Variants in NGEF observed in about 807,000 individuals in gnomAD.
NGEF encodes ephexin-1.
Under a neutral mutation model 80.9 loss-of-function variants are expected in NGEF, and 31 were observed. That is an observed-to-expected ratio of 0.38 (90% CI 0.29 to 0.52). The LOEUF (loss-of-function observed/expected upper bound fraction) is 0.52. NGEF is among the 20% of genes least tolerant of loss of function. NGEF has a pLI of 0.84. For synonymous variants in NGEF, 371 were observed against 370.2 expected, an observed-to-expected ratio of 1.00 and a Z score of -0.03; for missense variants, 709 against 926.2, an observed-to-expected ratio of 0.77 and a Z score of 3.04.
chr2:232,949,749 G>A (rs935018440), intron 3 of NGEF, among the ~76,000 whole-genome samples: 2 of 77,836 alleles, frequency 2.6e-5, no homozygotes, highest in Non-Finnish European at 5.1e-5. Context: ...AAAGTGCTGG[G>A]ATTCCAGGTT....
chr2:232,905,149 C>T (rs1005270982), intron 5 of NGEF, among the ~76,000 whole-genome samples: 2 of 152,138 alleles, frequency 1.3e-5, no homozygotes, highest in Admixed American at 6.5e-5. Flanking sequence ...CCTCTCATGC[C>T]GAGCCAAAGC....
At position 232,894,757 on chromosome 2, in the gene NGEF, GCTCA is replaced by G; in HGVS notation, c.984_987del (p.Glu329GlyfsTer61). On this transcript the variant is annotated frameshift_variant and splice_region_variant, in exon 6 of 15. Transcript: ENST00000264051. LOFTEE classifies it high-confidence loss of function. ...GGTGGCTGTCCCCCCCGTCCTCACC[GCTCA>G]CTGACAGCCAGCACGTCCAGGACGT... 6.3e-7 allele frequency: 1 copy of G among 1,577,048 alleles called. No homozygotes were observed.
At chr2:232,906,375 G>A (rs1474416078) in intron 5 of NGEF, among the ~76,000 whole-genome samples, 1 of 136,522 alleles carries the variant, frequency 7.3e-6, no homozygotes, top group Non-Finnish European at 1.6e-5. Flanking sequence ...CCGGCCAGCC[G>A]CCCCGTCCGG....
chr2:232,995,618 C>CACA (rs376826955), intron 1 of NGEF, among the ~76,000 whole-genome samples: 1 of 66,872 alleles, frequency 1.5e-5, no homozygotes, highest in Non-Finnish European at 3.1e-5. Flanking sequence ...AGTATGTATA[C>CACA]GTATGTATAC....
chr2:232,883,289 C>A, intron 12 of NGEF, 22 bp downstream of exon 12: 1 of 1,570,056 alleles, frequency 6.4e-7, no homozygotes. Context: ...TAGCACTGGG[C>A]GTGTGGCGGC....
At position 232,885,376 on chromosome 2, in the gene NGEF, C is replaced by T. The variant is rs1395717128; in HGVS notation, c.1348-7G>A. The T allele has an allele frequency of 1.9e-6, 3 of 1,613,328 alleles. No homozygotes were observed. Among genetic ancestry groups the T allele is most frequent in the Non-Finnish European group, 2.5e-6 (3 of 1,179,474 alleles). On this transcript the variant is annotated splice_polypyrimidine_tract_variant and splice_region_variant and intron_variant, in intron 9 of 14. Transcript: ENST00000264051. ...CGTTGCATGCCTTCACCACCTGGGA[C>T]AAGAAGGAGGGCACATCAGGCCACC...
rs778087909 is a variant in NGEF, at chr2:232,920,329, G to A, written c.783C>T (p.Ser261=). ...LWQDLPEIRS[S]GVLEILQPEE... is the part of the protein sequence containing the mutation. Reference sequence around the variant, plus strand: ...CGGGCTGTAGGATCTCAAGCACCCCGCTGCTCCGGATCTCGGGAAGATCCT... The same window carrying A: ...CGGGCTGTAGGATCTCAAGCACCCCACTGCTCCGGATCTCGGGAAGATCCT... The change falls in exon 5 of 15, where the codon AGC becomes AGT. Residue 261 remains serine, a synonymous_variant. Transcript: ENST00000264051. 3.0e-5 allele frequency: 49 copies of A among 1,613,972 alleles called. No individual in the cohort carries two copies. Among genetic ancestry groups the A allele is most frequent in the Non-Finnish European group, 3.7e-5 (44 of 1,180,020 alleles).
chr2:233,002,908 C>T (rs1695010187), intron 1 of NGEF, among the ~76,000 whole-genome samples: 1 of 152,196 alleles, frequency 6.6e-6, no homozygotes, highest in South Asian at 2.1e-4. Flanking sequence ...CCAGGCGTCA[C>T]TGTGACAAGC....
At chr2:232,987,857 C>T (rs1321934876) in intron 1 of NGEF, among the ~76,000 whole-genome samples, 1 of 152,060 alleles carries the variant, frequency 6.6e-6, no homozygotes. Context: ...TACAAGAAGA[C>T]CCTAGAGTTC....
intron 2 of NGEF, among the ~76,000 whole-genome samples, chr2:232,972,329 T>C (rs912511906): frequency 6.6e-6 from 1 of 152,254 alleles, no homozygotes; most frequent in African/African-American, 2.4e-5. Context: ...GATTATTAAC[T>C]ACAGGATAAA....
At chr2:232,981,924 A>G (rs1051672999) in intron 1 of NGEF, among the ~76,000 whole-genome samples, 3 of 152,194 alleles carry the variant, frequency 2.0e-5, no homozygotes, top group Admixed American at 1.3e-4. Context: ...GGGACAGCTC[A>G]GTGAGACAGG....
chr2:232,975,060 G>C (rs114795746), intron 1 of NGEF, 96 bp from the exon 2 acceptor site: 2 of 652,452 alleles, frequency 3.1e-6, no homozygotes, highest in Non-Finnish European at 5.1e-6. Flanking sequence ...TTGATGAAAC[G>C]TGGGATAATC....
chr2:232,993,217 TAG>T (rs1694708440), intron 1 of NGEF, among the ~76,000 whole-genome samples: 1 of 29,604 alleles, frequency 3.4e-5, no homozygotes, highest in African/African-American at 1.9e-4. Flanking sequence ...TTTGCCCGTA[TAG>T]ATACACACAT....
intron 5 of NGEF, among the ~76,000 whole-genome samples, chr2:232,899,844 TCACA>T (rs759015559): frequency 3.3e-4 from 34 of 104,072 alleles, no homozygotes; most frequent in East Asian, 2.2e-3. Flanking sequence ...TCACATTCAC[TCACA>T]CACACACGCT....
At chr2:232,942,803 A>G (rs1460273944) in intron 3 of NGEF, among the ~76,000 whole-genome samples, 3 of 151,546 alleles carry the variant, frequency 2.0e-5, no homozygotes, top group Non-Finnish European at 2.9e-5. Flanking sequence ...AAAAAAAAAA[A>G]AAAAGAAAAG....
chr2:232,888,405 C>T (rs550694644), intron 8 of NGEF, among the ~76,000 whole-genome samples: 5 of 152,066 alleles, frequency 3.3e-5, no homozygotes, highest in South Asian at 2.1e-4. Context: ...CACACGTGCA[C>T]ACATGCATGC....
chr2:233,003,955 C>T (rs537146807), intron 1 of NGEF, among the ~76,000 whole-genome samples: 34 of 152,300 alleles, frequency 2.2e-4, no homozygotes, highest in African/African-American at 7.2e-4. Context: ...CCAACAGACC[C>T]AGCATTTAAT....
chr2:232,969,157 T>C (rs968087519), intron 3 of NGEF, among the ~76,000 whole-genome samples: 5 of 152,198 alleles, frequency 3.3e-5, no homozygotes, highest in African/African-American at 1.2e-4. Flanking sequence ...AATCCAGTCA[T>C]ACTGGAGAAT....
chr2:233,009,050 G>A (rs1695149240), intron 1 of NGEF, among the ~76,000 whole-genome samples: 2 of 152,094 alleles, frequency 1.3e-5, no homozygotes, highest in South Asian at 4.2e-4. Context: ...GCCCACCTTG[G>A]CCTCCAAAAA....
Sources: allele counts gnomAD v4.1 joint callset (sites outside exome capture counted in the v4.1 genomes callset), GRCh38; gene constraint gnomAD v4.1.1; transcripts MANE v1.5; gene names NCBI Gene and HGNC (gene_info 2026-07-23, HGNC 2026-07-21).